NME7: variants seen among roughly 807,000 people sequenced by gnomAD.
NME7 encodes the protein NME/NM23 family member 7.
NME7 carries 41 observed loss-of-function variants against 49.1 expected under a neutral mutation model. The ratio of observed to expected loss-of-function variants is 0.83; its 90% CI spans 0.65 to 1.08. The LOEUF is 1.08. Among genes scored for constraint, NME7 ranks in the 50% least tolerant of loss-of-function variants. The pLI is 0.00. For synonymous variants in NME7, 139 were observed against 150.6 expected, an observed-to-expected ratio of 0.92 and a Z score of 0.56; for missense variants, 423 against 463.4, an observed-to-expected ratio of 0.91 and a Z score of 0.80.
chr1:169,261,172 G>T (rs1649148816), intron 7 of NME7, among the ~76,000 whole-genome samples: 1 of 133,156 alleles, frequency 7.5e-6, no homozygotes, highest in African/African-American at 2.5e-5. Flanking sequence ...AACTGAAAAG[G>T]TATAAAGAAA....
intron 11 of NME7, among the ~76,000 whole-genome samples, chr1:169,133,657 C>T (rs1169521316): frequency 6.6e-6 from 1 of 152,222 alleles, no homozygotes; most frequent in African/African-American, 2.4e-5. Context: ...GGCACAACTG[C>T]TTAACTTTAA....
chr1:169,353,894 G>A (rs990463674), intron 1 of NME7, among the ~76,000 whole-genome samples: 4 of 152,036 alleles, frequency 2.6e-5, no homozygotes, highest in African/African-American at 9.7e-5. Context: ...CCAAAGGACA[G>A]GCAGTAACAA....
intron 10 of NME7, among the ~76,000 whole-genome samples, chr1:169,200,236 T>C (rs1003835054): frequency 3.9e-5 from 6 of 152,088 alleles, no homozygotes; most frequent in Non-Finnish European, 8.8e-5. Context: ...AGTTATTCTG[T>C]TGGAAACATC....
At position 169,170,832 on chromosome 1, in the gene NME7, C is replaced by A. The variant is rs114658534; in HGVS notation, c.991-1278G>T. Among the ~76,000 whole-genome samples the A allele has an allele frequency of 4.4e-3, 671 of 152,186 alleles. 5 individuals are homozygous for A. The highest frequency in any genetic ancestry group is 0.015 in the African/African-American group (631 of 41,520). On this transcript the variant is annotated intron_variant, in intron 10 of 11. Transcript: ENST00000367811. ...ATACCAGATATTTAGGAGGCTCAGGCAGGAGAATCACCTGAACCTGGGAGA... is the reference window on the plus strand; with the variant it reads ...ATACCAGATATTTAGGAGGCTCAGGAAGGAGAATCACCTGAACCTGGGAGA...
chr1:169,322,668 T>TATATATGAATATATATATA (rs1435582755), intron 3 of NME7, among the ~76,000 whole-genome samples: 1 of 146,372 alleles, frequency 6.8e-6, no homozygotes, highest in African/African-American at 2.6e-5. Flanking sequence ...TCAACATCTA[T>TATATATGAATATATATATA]TAGATATAAA....
intron 10 of NME7, among the ~76,000 whole-genome samples, chr1:169,178,003 AT>A (rs377096766): frequency 6.6e-6 from 1 of 151,046 alleles, no homozygotes; most frequent in African/African-American, 2.4e-5. Flanking sequence ...CACCCAGCTA[AT>A]TTTTTTTTGT....
rs142844773 is a variant in NME7, at chr1:169,219,572, T to C, written c.990+11146A>G. On this transcript the variant is annotated intron_variant, in intron 10 of 11. Coordinates refer to ENST00000367811, the MANE Select transcript of NME7 (RefSeq NM_013330.5). The stretch of plus-strand genomic sequence containing the variant: ...AGATAACCTTTATCATATCTTATAA[T>C]TATTATGACTTGAGATAGGATCTCA... Among the ~76,000 whole-genome samples the C allele has an allele frequency of 7.8e-3, 1,184 of 152,288 alleles. 11 individuals are homozygous for C. The highest frequency in any genetic ancestry group is 8.0e-3 in the Non-Finnish European group (541 of 68,006).
chr1:169,228,683 CA>C (rs747705690), intron 10 of NME7, among the ~76,000 whole-genome samples: 5,328 of 89,644 alleles, frequency 0.059, 38 homozygotes, highest in East Asian at 0.17. Flanking sequence ...GACTCCGTCT[CA>C]AAAAAAAAAA....
intron 1 of NME7, among the ~76,000 whole-genome samples, chr1:169,334,601 A>G (rs762377651): frequency 3.9e-4 from 60 of 152,330 alleles, no homozygotes; most frequent in Admixed American, 1.4e-3. Context: ...ACCCAAAACC[A>G]TAAAAACCCT....
chr1:169,346,572 C>A (rs767559502), intron 1 of NME7, among the ~76,000 whole-genome samples: 15 of 152,188 alleles, frequency 9.9e-5, no homozygotes, highest in Non-Finnish European at 2.1e-4. Context: ...ACTATCAGTA[C>A]CCCCAACATT....
intron 10 of NME7, among the ~76,000 whole-genome samples, chr1:169,214,842 G>A (rs1660931660): frequency 6.6e-6 from 1 of 152,250 alleles, no homozygotes; most frequent in Non-Finnish European, 1.5e-5. Flanking sequence ...TGCCTGCAAT[G>A]CCAAGACCCC....
chr1:169,366,830 G>A (rs1156612548), intron 1 of NME7, among the ~76,000 whole-genome samples: 1 of 152,128 alleles, frequency 6.6e-6, no homozygotes, highest in Non-Finnish European at 1.5e-5. Context: ...GAAAACTGGG[G>A]TAACCAAAAG....
At chr1:169,175,440 TATTATC>T (rs983057250) in intron 10 of NME7, among the ~76,000 whole-genome samples, 2 of 152,190 alleles carry the variant, frequency 1.3e-5, no homozygotes, top group African/African-American at 4.8e-5. Context: ...CATAGTCATT[TATTATC>T]ATTATCAAGT....
rs139700379 is a variant in NME7 at position 169,140,552 on chromosome 1, C to T, written c.1099-7735G>A. On this transcript the variant is annotated intron_variant, in intron 11 of 11. Transcript: ENST00000367811. ...TGTTCCCACTCTGAAACTAGTAGCC[C>T]AGGATGGGCTCTGCTACAAATCAGC... Among the ~76,000 whole-genome samples the T allele has an allele frequency of 4.8e-3, 733 of 151,838 alleles. 7 individuals carry two copies. Among genetic ancestry groups the T allele is most frequent in the African/African-American group, 0.017 (690 of 41,378 alleles).
At chr1:169,251,562 T>TTTTTTTTTTTTTTTTTC (rs1648614833) in intron 7 of NME7, among the ~76,000 whole-genome samples, 1 of 112,294 alleles carries the variant, frequency 8.9e-6, no homozygotes, top group African/African-American at 3.0e-5. Context: ...TTTTTTTTTC[T>TTTTTTTTTTTTTTTTTC]TTTTTTTTTT....
chr1:169,216,925 T>C (rs1660988453), intron 10 of NME7, among the ~76,000 whole-genome samples: 1 of 152,222 alleles, frequency 6.6e-6, no homozygotes, highest in African/African-American at 2.4e-5. Context: ...TTTTTGTTTT[T>C]GTTTTTGTAG....
chr1:169,160,128 G>C (rs1041714110), intron 11 of NME7, among the ~76,000 whole-genome samples: 2 of 152,100 alleles, frequency 1.3e-5, no homozygotes, highest in African/African-American at 4.8e-5. Flanking sequence ...CTCTTTCCCT[G>C]TTATTCCTGG....
chr1:169,190,755 T>C (rs947935741), intron 10 of NME7: 5 of 362,808 alleles, frequency 1.4e-5, no homozygotes, highest in Non-Finnish European at 2.7e-5. Flanking sequence ...CATACTAAAA[T>C]AAATATGGCA....
intron 10 of NME7, among the ~76,000 whole-genome samples, chr1:169,187,422 G>A (rs530143186): frequency 1.5e-4 from 23 of 152,060 alleles, no homozygotes; most frequent in South Asian, 6.2e-4. Flanking sequence ...TATGAATCTT[G>A]GTGCTCCTGT....
Sources: gnomAD v4.1 joint callset for allele counts (sites outside exome capture counted in the v4.1 genomes callset) on GRCh38, gnomAD v4.1.1 for gene constraint, MANE v1.5 for transcripts, NCBI Gene and HGNC (gene_info 2026-07-23, HGNC 2026-07-21) for gene names.